Variants in ANKRD45 observed in about 807,000 individuals in gnomAD.
ANKRD45 encodes the protein ankyrin repeat domain-containing protein 45.
ANKRD45 carries 21 observed loss-of-function variants against 28.1 expected under a neutral mutation model. That is an observed-to-expected ratio of 0.75 (90% CI 0.53 to 1.08). The LOEUF (loss-of-function observed/expected upper bound fraction) is 1.08, where lower values mean the gene tolerates loss of function less well. ANKRD45 is among the 50% of genes least tolerant of loss of function. The pLI, the probability that ANKRD45 is intolerant of heterozygous loss-of-function variation, is 0.00. For missense variants in ANKRD45, 261 were observed against 308.7 expected (o/e 0.85, Z 1.16); for synonymous variants, 86 against 103.9 (o/e 0.83, Z 1.05).
intron 3 of ANKRD45, among the ~76,000 whole-genome samples, chr1:173,640,993 G>C (rs988461593): frequency 6.6e-6 from 1 of 152,058 alleles, no homozygotes; most frequent in Non-Finnish European, 1.5e-5. Flanking sequence ...CTATGGTATG[G>C]GGATTGATGT....
At chr1:173,673,180 G>A (rs879268838), upstream of ANKRD45, among the ~76,000 whole-genome samples, 19 of 149,130 alleles carry the variant, frequency 1.3e-4, no homozygotes, top group African/African-American at 3.5e-4. Context: ...GTGTCATCTC[G>A]GCTCACTGCA....
intron 5 of ANKRD45, among the ~76,000 whole-genome samples, 184 bp downstream of exon 5, chr1:173,624,603 A>C (rs1370752243): frequency 6.6e-6 from 1 of 152,210 alleles, no homozygotes; most frequent in Non-Finnish European, 1.5e-5. Context: ...GAATTCAGTT[A>C]TTATTAGTTA....
At position 173,659,088 on chromosome 1, in the gene ANKRD45, T is replaced by C. The variant is rs940760299; in HGVS notation, c.328+3A>G. The C allele has an allele frequency of 4.3e-6, 7 of 1,612,038 alleles. No homozygotes were observed. The highest frequency in any genetic ancestry group is 1.7e-5 in the Admixed American group (1 of 59,652). On this transcript the variant is annotated splice_donor_region_variant and intron_variant, in intron 2 of 5. Transcript: ENST00000333279. ...TACTGATGAGAGAAAAAAGACAAAA[T>C]ACCTCTGGTGGTTTTTTCATTCAGA...
the ANKRD45 span, among the ~76,000 whole-genome samples, chr1:173,687,551 G>T: frequency 1.4e-5 from 2 of 144,814 alleles, no homozygotes; most frequent in Non-Finnish European, 3.0e-5. Flanking sequence ...AAGGCCACAA[G>T]ATTAGAAGTT....
intron 3 of ANKRD45, among the ~76,000 whole-genome samples, chr1:173,637,553 C>T (rs1232810803): frequency 6.6e-6 from 1 of 152,102 alleles, no homozygotes; most frequent in Non-Finnish European, 1.5e-5. Context: ...TCCTCTCTTC[C>T]TTTGTTCTCC....
chr1:173,617,364 AGATG>A (rs1158335888), intron 5 of ANKRD45, among the ~76,000 whole-genome samples: 3 of 152,236 alleles, frequency 2.0e-5, no homozygotes, highest in Non-Finnish European at 1.5e-5. Context: ...AGACTGCCTG[AGATG>A]GATGAGTTCC....
At chr1:173,641,161 C>T (rs996718026) in intron 3 of ANKRD45, among the ~76,000 whole-genome samples, 5 of 152,186 alleles carry the variant, frequency 3.3e-5, no homozygotes, top group African/African-American at 1.2e-4. Flanking sequence ...TAAGACAGAC[C>T]TTAGCCATTG....
chr1:173,623,183 C>T (rs1385430535), intron 5 of ANKRD45, among the ~76,000 whole-genome samples: 1 of 151,798 alleles, frequency 6.6e-6, no homozygotes, highest in Non-Finnish European at 1.5e-5. Context: ...GGCATGGTGG[C>T]ACACATGTAA....
the ANKRD45 span, among the ~76,000 whole-genome samples, chr1:173,682,981 CACCA>C: frequency 2.0e-5 from 3 of 151,818 alleles, no homozygotes; most frequent in Non-Finnish European, 4.4e-5. Flanking sequence ...CCCCTCACCA[CACCA>C]GCTTTTTTTG....
At chr1:173,634,502 T>C (rs1424009758) in intron 3 of ANKRD45, among the ~76,000 whole-genome samples, 3 of 151,938 alleles carry the variant, frequency 2.0e-5, no homozygotes. Flanking sequence ...CTTTGCTTAT[T>C]ATGCTTCCCC....
chr1:173,684,788 G>A, the ANKRD45 span, among the ~76,000 whole-genome samples: 1 of 152,200 alleles, frequency 6.6e-6, no homozygotes, highest in South Asian at 2.1e-4. Context: ...ATTTTCCCAA[G>A]CCATCTGGCT....
chr1:173,647,841 A>G (rs1669008444), intron 2 of ANKRD45, among the ~76,000 whole-genome samples: 1 of 152,178 alleles, frequency 6.6e-6, no homozygotes, highest in Non-Finnish European at 1.5e-5. Flanking sequence ...TTTAGAGTGC[A>G]GTGGCATGAA....
chr1:173,667,290 A>T (rs1266159840), intron 1 of ANKRD45, among the ~76,000 whole-genome samples: 1 of 152,242 alleles, frequency 6.6e-6, no homozygotes, highest in Non-Finnish European at 1.5e-5. Flanking sequence ...ATTATGTTAC[A>T]ATATCAAGCA....
chr1:173,629,201 G>T (rs1252516045), intron 3 of ANKRD45, among the ~76,000 whole-genome samples: 5 of 152,162 alleles, frequency 3.3e-5, no homozygotes, highest in African/African-American at 1.2e-4. Flanking sequence ...AGCCCAGACT[G>T]CAATACCTAC....
the ANKRD45 span, among the ~76,000 whole-genome samples, chr1:173,712,991 T>C: frequency 1.3e-5 from 2 of 152,174 alleles, no homozygotes; most frequent in African/African-American, 2.4e-5. Flanking sequence ...AATCACTGAA[T>C]TGGACCTTCA....
chr1:173,697,307 T>A, the ANKRD45 span, among the ~76,000 whole-genome samples: 37,089 of 151,688 alleles, frequency 0.24, 4,941 homozygotes, highest in Middle Eastern at 0.37. Flanking sequence ...TTCAGGAAAT[T>A]CAGAGAACAC....
chr1:173,663,647 T>C lies in ANKRD45; in HGVS notation c.-15-4214A>G, dbSNP rs114884085. On this transcript the variant is annotated intron_variant, in intron 1 of 5. Transcript: ENST00000333279. ...AAGCGATAAGATGTAATCAGATATA[T>C]AGACTGCAAATTCCAGGAATGCTTA... Among the ~76,000 whole-genome samples the C allele has an allele frequency of 6.9e-3, 1,048 of 152,318 alleles. 3 individuals are homozygous for C. Among genetic ancestry groups the C allele is most frequent in the Non-Finnish European group, 0.012 (784 of 68,034 alleles).
chr1:173,683,917 G>A, the ANKRD45 span, among the ~76,000 whole-genome samples: 64 of 152,320 alleles, frequency 4.2e-4, no homozygotes, highest in African/African-American at 1.4e-3. Context: ...GAACAAGGGA[G>A]GGGAAGGGTT....
intron 4 of ANKRD45, among the ~76,000 whole-genome samples, chr1:173,626,140 G>A (rs900649197): frequency 6.6e-6 from 1 of 152,114 alleles, no homozygotes; most frequent in African/African-American, 2.4e-5. Context: ...CAAGTGCAAT[G>A]TATAACTTAT....
Sources: allele counts gnomAD v4.1 joint callset (sites outside exome capture counted in the v4.1 genomes callset), GRCh38; gene constraint gnomAD v4.1.1; transcripts MANE v1.5; gene names NCBI Gene and HGNC (gene_info 2026-07-23, HGNC 2026-07-21).